OXCT1: variants seen among roughly 807,000 people sequenced by gnomAD.
OXCT1 encodes the protein succinyl-CoA:3-ketoacid coenzyme A transferase 1, mitochondrial.
Under a neutral mutation model 69.6 loss-of-function variants are expected in OXCT1, and 27 were observed. The ratio of observed to expected loss-of-function variants is 0.39; its 90% CI spans 0.29 to 0.54. The LOEUF (loss-of-function observed/expected upper bound fraction) is 0.54, where lower values mean the gene tolerates loss of function less well. OXCT1 is among the 20% of genes least tolerant of loss of function. The pLI, the probability that OXCT1 is intolerant of heterozygous loss-of-function variation, is 0.72. For missense variants in OXCT1, 437 were observed against 650.2 expected (o/e 0.67, Z 3.57); for synonymous variants, 202 against 217.8 (o/e 0.93, Z 0.64).
chr5:41,761,695 A>G (rs1023101558), intron 14 of OXCT1, among the ~76,000 whole-genome samples: 5 of 152,146 alleles, frequency 3.3e-5, no homozygotes, highest in Non-Finnish European at 7.4e-5. Context: ...CCATTTGAAA[A>G]TAACTGTTGT....
rs553329493 is a variant in OXCT1 at position 41,837,803 on chromosome 5, G to T, written c.732+2648C>A. 3.9e-5 allele frequency among the ~76,000 whole-genome samples: 6 copies of T among 151,904 alleles called. No homozygotes were observed. In the South Asian group the frequency reaches 1.3e-3, roughly 32 times the overall value. On this transcript the variant is annotated intron_variant, in intron 7 of 16. Transcript: ENST00000196371. ...ACAGCCTGGAATCAGTTTCTCTGTGGGTCTCTCCTGGTTCCACCTAAGCTG... is the reference window on the plus strand; with the variant it reads ...ACAGCCTGGAATCAGTTTCTCTGTGTGTCTCTCCTGGTTCCACCTAAGCTG...
intron 16 of OXCT1, among the ~76,000 whole-genome samples, chr5:41,737,911 C>T (rs894561122): frequency 3.3e-5 from 5 of 152,030 alleles, no homozygotes; most frequent in Non-Finnish European, 7.4e-5. Flanking sequence ...AAAAATTAGC[C>T]GGGCGTGGCG....
chr5:41,810,934 G>C (rs1374350397), intron 7 of OXCT1, among the ~76,000 whole-genome samples: 6 of 151,866 alleles, frequency 4.0e-5, no homozygotes, highest in African/African-American at 1.5e-4. Flanking sequence ...GGAAGAGGGA[G>C]ACTCACATTC....
intron 3 of OXCT1, among the ~76,000 whole-genome samples, chr5:41,859,907 T>TATATATATATATATACACAC (rs1304074270): frequency 7.2e-6 from 1 of 138,480 alleles, no homozygotes; most frequent in African/African-American, 2.7e-5. Flanking sequence ...TATATATATA[T>TATATATATATATATACACAC]ACACACACAC....
chr5:41,805,685 T>C lies in OXCT1; in HGVS notation c.841-4A>G. The C allele has an allele frequency of 6.4e-7, 1 of 1,550,562 alleles. No homozygotes were observed. Among genetic ancestry groups the C allele is most frequent in the Non-Finnish European group, 8.9e-7 (1 of 1,122,288 alleles). ...CCTCTTTCCGGATTGATAAACGCTT[T>C]AAATTAAACAGAAATAAATTATTCG... On this transcript the variant is annotated splice_polypyrimidine_tract_variant and splice_region_variant and intron_variant, in intron 8 of 16. Coordinates refer to ENST00000196371, the MANE Select transcript of OXCT1 (RefSeq NM_000436.4).
intron 15 of OXCT1, among the ~76,000 whole-genome samples, chr5:41,747,096 C>T (rs1743532113): frequency 6.6e-6 from 1 of 152,014 alleles, no homozygotes; most frequent in Non-Finnish European, 1.5e-5. Context: ...ATTGTGTCCC[C>T]AGCCTTAAAA....
intron 7 of OXCT1, among the ~76,000 whole-genome samples, chr5:41,820,967 C>G (rs1419222874): frequency 6.6e-6 from 1 of 152,188 alleles, no homozygotes; most frequent in Non-Finnish European, 1.5e-5. Context: ...TGGGCACTCA[C>G]TGCTCTATGC....
intron 7 of OXCT1, among the ~76,000 whole-genome samples, chr5:41,840,004 C>A (rs1447980350): frequency 2.0e-5 from 3 of 152,300 alleles, no homozygotes; most frequent in African/African-American, 7.2e-5. Context: ...ACAGTCAGTG[C>A]CTGAATTTGC....
rs769631775 is a variant in OXCT1 at position 41,801,026 on chromosome 5, A to G, written c.1095T>C (p.Asn365=). The change falls in exon 11 of 17, where the codon AAT becomes AAC. Residue 365 remains asparagine, a synonymous_variant. Transcript: ENST00000196371. Reference sequence around the variant, plus strand: ...GCTAGAAATAAGTGAGCTTACCTGCATTGATGAGATCTGCATCAGCTTCAT... The same window carrying G: ...GCTAGAAATAAGTGAGCTTACCTGCGTTGATGAGATCTGCATCAGCTTCAT... ...RQHEADADLI[N]AGKETVTILP... is the part of the protein sequence containing the mutation. The G allele has an allele frequency of 3.1e-6, 5 of 1,612,332 alleles. No individual in the cohort carries two copies. Among genetic ancestry groups the G allele is most frequent in the Non-Finnish European group, 4.2e-6 (5 of 1,178,480 alleles).
At chr5:41,866,740 A>G (rs1749995688) in intron 1 of OXCT1, among the ~76,000 whole-genome samples, 1 of 152,260 alleles carries the variant, frequency 6.6e-6, no homozygotes, top group Non-Finnish European at 1.5e-5. Flanking sequence ...AATTCTCTAC[A>G]GCAGTGGTGT....
At chr5:41,768,100 C>A (rs1021774716) in intron 13 of OXCT1, among the ~76,000 whole-genome samples, 1 of 152,120 alleles carries the variant, frequency 6.6e-6, no homozygotes, top group Non-Finnish European at 1.5e-5. Context: ...GTCCCTGTCA[C>A]CCTGTGGCAC....
chr5:41,869,904 C>T, intron 1 of OXCT1: 1 of 341,646 alleles, frequency 2.9e-6, no homozygotes, highest in South Asian at 2.5e-5. Flanking sequence ...CCTCCATATA[C>T]TGGCGCCCTC....
chr5:41,780,242 A>G (rs745754401), intron 13 of OXCT1, among the ~76,000 whole-genome samples: 4 of 152,220 alleles, frequency 2.6e-5, no homozygotes, highest in Non-Finnish European at 5.9e-5. Flanking sequence ...AAAAGGCACG[A>G]GAATAACTTA....
At chr5:41,851,166 T>A (rs1749155757) in intron 4 of OXCT1, among the ~76,000 whole-genome samples, 1 of 152,154 alleles carries the variant, frequency 6.6e-6, no homozygotes, top group Non-Finnish European at 1.5e-5. Flanking sequence ...GTATTAATGA[T>A]GATGTGTTCA....
At chr5:41,761,673 G>A (rs558103120) in intron 14 of OXCT1, among the ~76,000 whole-genome samples, 24 of 152,116 alleles carry the variant, frequency 1.6e-4, no homozygotes, top group African/African-American at 5.8e-4. Context: ...ACAGCTTTGA[G>A]GGCCATATGG....
At chr5:41,805,451 C>T (rs1746628720) in intron 9 of OXCT1, 116 bp downstream of exon 9, 1 of 712,416 alleles carries the variant, frequency 1.4e-6, no homozygotes. Context: ...TGATTAATTA[C>T]CTTAAAAGTT....
At chr5:41,865,289 T>G (rs193063814) in intron 1 of OXCT1, among the ~76,000 whole-genome samples, 424 of 152,314 alleles carry the variant, frequency 2.8e-3, no homozygotes, top group Non-Finnish European at 4.8e-3. Context: ...TCTATTTTTT[T>G]GTTTCATCTG....
intron 15 of OXCT1, among the ~76,000 whole-genome samples, chr5:41,747,957 C>T (rs903670819): frequency 2.6e-5 from 4 of 152,030 alleles, no homozygotes; most frequent in African/African-American, 9.7e-5. Context: ...GCTGGAAAGG[C>T]TGGATGTTTG....
intron 3 of OXCT1, among the ~76,000 whole-genome samples, chr5:41,860,361 A>G (rs1292238272): frequency 6.6e-6 from 1 of 152,162 alleles, no homozygotes; most frequent in East Asian, 1.9e-4. Flanking sequence ...AGAAAGGCTA[A>G]AAGTCTCTAA....
Sources: allele counts gnomAD v4.1 joint callset (sites outside exome capture counted in the v4.1 genomes callset), GRCh38; gene constraint gnomAD v4.1.1; transcripts MANE v1.5; gene names NCBI Gene and HGNC (gene_info 2026-07-23, HGNC 2026-07-21).